RIT2: variants seen among roughly 807,000 people sequenced by gnomAD.
RIT2 encodes GTP-binding protein Rit2.
RIT2 carries 24 observed loss-of-function variants against 23.7 expected under a neutral mutation model. The observed-to-expected ratio is 1.01, with a 90% CI of 0.73 to 1.43. The LOEUF (loss-of-function observed/expected upper bound fraction) is 1.43, where lower values mean the gene tolerates loss of function less well. RIT2 is among the 40% of genes most tolerant of loss of function. The pLI, the probability that RIT2 is intolerant of heterozygous loss-of-function variation, is 0.00. For synonymous variants in RIT2, 107 were observed against 91.1 expected (o/e 1.17, Z -0.99); for missense variants, 236 against 266.9 (o/e 0.88, Z 0.81).
At chr18:43,097,400 A>G (rs8085083) in intron 1 of RIT2, among the ~76,000 whole-genome samples, 75,338 of 151,732 alleles carry the variant, frequency 0.5, 19,488 homozygotes, top group Non-Finnish European at 0.58. Flanking sequence ...TGTTAAATAA[A>G]TAGCAAAGAC....
At chr18:42,977,294 G>T (rs1213472274) in intron 2 of RIT2, among the ~76,000 whole-genome samples, 1 of 151,924 alleles carries the variant, frequency 6.6e-6, no homozygotes, top group Non-Finnish European at 1.5e-5. Flanking sequence ...CACAGCTGGA[G>T]CTCCTGAAAC....
At chr18:42,856,825 C>T (rs866306940) in intron 4 of RIT2, among the ~76,000 whole-genome samples, 5 of 128,012 alleles carry the variant, frequency 3.9e-5, no homozygotes, top group African/African-American at 1.6e-4. Context: ...TTCTCTCTCT[C>T]TCTTTTTTTT....
chr18:42,926,000 A>T (rs932079617), intron 3 of RIT2, among the ~76,000 whole-genome samples: 1 of 151,770 alleles, frequency 6.6e-6, no homozygotes, highest in Non-Finnish European at 1.5e-5. Context: ...GCCTCCTTTT[A>T]TTCTTATTAT....
At chr18:42,755,168 G>C (rs1330293073) in intron 4 of RIT2, among the ~76,000 whole-genome samples, 2 of 152,050 alleles carry the variant, frequency 1.3e-5, no homozygotes, top group Non-Finnish European at 2.9e-5. Context: ...AAAAAAGACA[G>C]AAGAAATTTT....
At position 43,014,183 on chromosome 18, in the gene RIT2, G is replaced by A. The variant is rs143931338; in HGVS notation, c.160+19628C>T. ...CAAAAATAGGCTTTAACTAAGCAAAGCACAGAGAATTGAGGCAGAAGTAGA... is the reference window on the plus strand; with the variant it reads ...CAAAAATAGGCTTTAACTAAGCAAAACACAGAGAATTGAGGCAGAAGTAGA... On this transcript the variant is annotated intron_variant, in intron 2 of 4. Coordinates refer to ENST00000326695, the MANE Select transcript of RIT2 (RefSeq NM_002930.4). 2.5e-3 allele frequency among the ~76,000 whole-genome samples: 380 copies of A among 151,882 alleles called. 1 individual carries two copies. Among genetic ancestry groups the A allele is most frequent in the African/African-American group, 8.6e-3 (357 of 41,492 alleles).
chr18:42,901,815 A>G (rs1032943528), intron 4 of RIT2, among the ~76,000 whole-genome samples: 4 of 152,040 alleles, frequency 2.6e-5, no homozygotes, highest in African/African-American at 9.6e-5. Context: ...TTTTTTAAGC[A>G]AACACCACTT....
chr18:42,867,961 T>A (rs1907517398), intron 4 of RIT2, among the ~76,000 whole-genome samples: 1 of 152,210 alleles, frequency 6.6e-6, no homozygotes, highest in African/African-American at 2.4e-5. Context: ...TCACAGGCTA[T>A]TCCACTGTGT....
intron 3 of RIT2, among the ~76,000 whole-genome samples, chr18:42,966,272 T>C (rs1320006133): frequency 6.6e-6 from 1 of 152,122 alleles, no homozygotes; most frequent in African/African-American, 2.4e-5. Flanking sequence ...AACACAAAAA[T>C]GAAATGCTGA....
intron 1 of RIT2, among the ~76,000 whole-genome samples, chr18:43,065,300 A>G (rs1438640003): frequency 7.1e-6 from 1 of 140,848 alleles, no homozygotes; most frequent in Admixed American, 7.7e-5. Context: ...ACACAATTAT[A>G]GCTCACTGTA....
At chr18:43,028,551 C>T (rs959333261) in intron 2 of RIT2, among the ~76,000 whole-genome samples, 10 of 152,118 alleles carry the variant, frequency 6.6e-5, no homozygotes, top group Non-Finnish European at 1.3e-4. Flanking sequence ...GTACCACATT[C>T]AAACATTCCA....
chr18:42,743,726 G>T lies in RIT2; in HGVS notation c.427-6C>A. On this transcript the variant is annotated splice_region_variant and splice_polypyrimidine_tract_variant and intron_variant, in intron 4 of 4. Coordinates refer to ENST00000326695, the MANE Select transcript of RIT2 (RefSeq NM_002930.4). ...AAGCCTTCTTCTGTAGAAACCTAAG[G>T]AAAAAACAAATAATATTAAAAAGAC... The T allele has an allele frequency of 6.3e-7, 1 of 1,576,096 alleles. No individual in the cohort carries two copies. The highest frequency in any genetic ancestry group is 1.1e-5 in the South Asian group (1 of 87,246).
chr18:42,957,698 C>T (rs571829367), intron 3 of RIT2, among the ~76,000 whole-genome samples: 1 of 152,012 alleles, frequency 6.6e-6, no homozygotes, highest in Non-Finnish European at 1.5e-5. Context: ...GCAGGAGAAT[C>T]GCTTGAACCC....
At chr18:42,788,699 T>C (rs1377431342) in intron 4 of RIT2, among the ~76,000 whole-genome samples, 1 of 152,186 alleles carries the variant, frequency 6.6e-6, no homozygotes, top group African/African-American at 2.4e-5. Flanking sequence ...TATTTGAAAG[T>C]TTGATGATAC....
chr18:42,925,234 T>C (rs1909151404), intron 3 of RIT2, among the ~76,000 whole-genome samples: 2 of 152,094 alleles, frequency 1.3e-5, no homozygotes, highest in African/African-American at 4.8e-5. Context: ...GTTTCATTCC[T>C]GAACCAAGAT....
At chr18:42,886,451 C>T (rs1908025058) in intron 4 of RIT2, among the ~76,000 whole-genome samples, 1 of 152,142 alleles carries the variant, frequency 6.6e-6, no homozygotes, top group African/African-American at 2.4e-5. Flanking sequence ...ACTAATAACT[C>T]AACTGCTTTG....
chr18:42,837,620 T>G (rs1229562656), intron 4 of RIT2, among the ~76,000 whole-genome samples: 1 of 152,302 alleles, frequency 6.6e-6, no homozygotes, highest in Admixed American at 6.5e-5. Flanking sequence ...TAGCCAAAGC[T>G]TTCTCCAATA....
At chr18:42,915,803 C>T (rs1203776031) in intron 4 of RIT2, among the ~76,000 whole-genome samples, 4 of 151,708 alleles carry the variant, frequency 2.6e-5, no homozygotes, top group East Asian at 1.9e-4. Flanking sequence ...TTAATATAAA[C>T]ATTATGTTTA....
intron 4 of RIT2, among the ~76,000 whole-genome samples, chr18:42,851,710 C>G (rs906577407): frequency 2.0e-5 from 3 of 151,928 alleles, no homozygotes; most frequent in Admixed American, 6.6e-5. Flanking sequence ...ATTAGCCAGG[C>G]GTGGTGGCAC....
At chr18:43,043,384 A>G (rs1912173369) in intron 1 of RIT2, among the ~76,000 whole-genome samples, 1 of 152,182 alleles carries the variant, frequency 6.6e-6, no homozygotes, top group South Asian at 2.1e-4. Context: ...CACGTGGGCC[A>G]TTGATATTTG....
Sources: allele counts gnomAD v4.1 joint callset (sites outside exome capture counted in the v4.1 genomes callset), GRCh38; gene constraint gnomAD v4.1.1; transcripts MANE v1.5; gene names NCBI Gene and HGNC (gene_info 2026-07-23, HGNC 2026-07-21).